OVCH2: variants seen among roughly 807,000 people sequenced by gnomAD.
The protein encoded by OVCH2 is ovochymase 2, also known as ovochymase-2.
Under a neutral mutation model 73.7 loss-of-function variants are expected in OVCH2, and 88 were observed. That is an observed-to-expected ratio of 1.19 (90% CI 1.01 to 1.43). OVCH2 has a LOEUF of 1.43. Among genes scored for constraint, OVCH2 ranks in the 40% most tolerant of loss-of-function variants. OVCH2 has a pLI of 0.00. For synonymous variants in OVCH2, 265 were observed against 234.5 expected (o/e 1.13, Z -1.19); for missense variants, 706 against 674.5 (o/e 1.05, Z -0.52).
At chr11:7,681,832 C>A in the OVCH2 span, among the ~76,000 whole-genome samples, 4 of 111,078 alleles carry the variant, frequency 3.6e-5, no homozygotes, top group South Asian at 2.8e-4. Flanking sequence ...GCTTCCAGGA[C>A]GGGGAGAAGG....
At chr11:7,695,734 C>A in intron 10 of OVCH2, 24 bp from the exon 11 acceptor site, 1 of 1,581,798 alleles carries the variant, frequency 6.3e-7, no homozygotes, top group Non-Finnish European at 8.6e-7. Context: ...AAAAAGGATT[C>A]TTTGTTCAGA....
chr11:7,702,528 A>T (rs944423351), intron 3 of OVCH2, among the ~76,000 whole-genome samples, 199 bp from the exon 4 acceptor site: 7 of 152,212 alleles, frequency 4.6e-5, no homozygotes, highest in Admixed American at 2.0e-4. Flanking sequence ...GGACTAGTGA[A>T]GAGTGGGTTC....
intron 15 of OVCH2, 111 bp downstream of exon 15, chr11:7,689,813 G>C (rs1856184861): frequency 1.4e-6 from 1 of 725,934 alleles, no homozygotes; most frequent in South Asian, 1.5e-5. Context: ...CTGGAGGTTA[G>C]GACTCTAGTA....
the OVCH2 span, among the ~76,000 whole-genome samples, chr11:7,681,103 G>A: frequency 5.3e-5 from 8 of 152,168 alleles, no homozygotes; most frequent in African/African-American, 1.9e-4. Flanking sequence ...TTGCTAAAAT[G>A]TCATCCTGAA....
At chr11:7,693,046 A>C (rs371553849) in intron 12 of OVCH2, among the ~76,000 whole-genome samples, 5 of 152,248 alleles carry the variant, frequency 3.3e-5, no homozygotes, top group African/African-American at 9.6e-5. Flanking sequence ...TAGAAGGAAC[A>C]GTGTGAAGGA....
chr11:7,698,856 C>T, intron 7 of OVCH2, 83 bp from the exon 8 acceptor site: 19 of 1,443,956 alleles, frequency 1.3e-5, no homozygotes, highest in Non-Finnish European at 1.8e-5. Flanking sequence ...TCTTGGCGCA[C>T]AAGAGATTTT....
At chr11:7,694,949 C>T (rs564222518) in intron 12 of OVCH2, 109 bp downstream of exon 12, 271 of 1,317,148 alleles carry the variant, frequency 2.1e-4, no homozygotes, top group Non-Finnish European at 2.6e-4. Flanking sequence ...GTTCTAGGTA[C>T]TGAAAACACA....
chr11:7,695,121 T>C lies in OVCH2; in HGVS notation c.1350A>G (p.Glu450=), dbSNP rs1476171523. The part of the protein sequence containing the change: ...EGLIQSLNYP[E]NYSDKANCDW... ...CACAGTTAGCCTTGTCACTGTAGTTTTCAGGATAGTTTAGACTCTGTATGA... is the reference window on the plus strand; with the variant it reads ...CACAGTTAGCCTTGTCACTGTAGTTCTCAGGATAGTTTAGACTCTGTATGA... Residue 450 remains glutamate (E), a synonymous_variant, in exon 12 of 16, where the codon GAA becomes GAG. Coordinates refer to ENST00000533663, the MANE Select transcript of OVCH2 (RefSeq NM_198185.7). 1.9e-6 allele frequency: 3 copies of C among 1,553,922 alleles called. No homozygotes were observed. Among genetic ancestry groups the C allele is most frequent in the Admixed American group, 2.0e-5 (1 of 51,146 alleles).
rs1856459562 is a variant in OVCH2, at chr11:7,702,324, A to G, written c.296T>C (p.Ile99Thr). 6.3e-7 allele frequency: 1 copy of G among 1,588,286 alleles called. No individual in the cohort carries two copies. The highest frequency in any genetic ancestry group is 8.5e-7 in the Non-Finnish European group (1 of 1,170,988). The change falls in exon 4 of 16, where the codon ATT (isoleucine) becomes ACT (threonine). Residue 99 changes from isoleucine (I) to threonine (T), a missense_variant. Coordinates refer to ENST00000533663, the MANE Select transcript of OVCH2 (RefSeq NM_198185.7). ...TAAHCIANRN[I>T]VSTLNVTAGE... ...AGCAGTAACATTCAAAGTAGACACAATGTTTCTATGGAAAGCAAAGAGTAA... is the reference window on the plus strand; with the variant it reads ...AGCAGTAACATTCAAAGTAGACACAGTGTTTCTATGGAAAGCAAAGAGTAA...
At position 7,706,425 on chromosome 11, in the gene OVCH2, T is replaced by C. The variant is rs1289029432; in HGVS notation, c.-31A>G. The C allele has an allele frequency of 6.5e-7, 1 of 1,546,772 alleles. No individual in the cohort carries two copies. Among genetic ancestry groups the C allele is most frequent in the East Asian group, 2.4e-5 (1 of 41,636 alleles). ...GACTCATAGTTTTTCCCTGAAATTTTAGAGAGACTAAAGCAAACAAAAATA... is the reference window on the plus strand; with the variant it reads ...GACTCATAGTTTTTCCCTGAAATTTCAGAGAGACTAAAGCAAACAAAAATA... On this transcript the variant is annotated 5_prime_UTR_variant, in exon 1 of 16. Transcript: ENST00000533663.
chr11:7,689,302 C>T (rs942757322), downstream of OVCH2: 19 of 193,084 alleles, frequency 9.8e-5, no homozygotes, highest in South Asian at 3.2e-4. Context: ...CTGTGGATTC[C>T]GGTGTTTCTA....
chr11:7,690,758 T>C (rs968740230), intron 14 of OVCH2, among the ~76,000 whole-genome samples: 6 of 152,192 alleles, frequency 3.9e-5, no homozygotes, highest in Non-Finnish European at 8.8e-5. Context: ...GTCCTTTTCA[T>C]GGTCTATTTA....
chr11:7,678,961 A>T, the OVCH2 span, among the ~76,000 whole-genome samples: 15 of 152,366 alleles, frequency 9.8e-5, no homozygotes, highest in African/African-American at 2.6e-4. Context: ...CATTTTTTTT[A>T]AATGAATGTT....
At chr11:7,694,803 CTTT>C (rs34314441) in intron 12 of OVCH2, among the ~76,000 whole-genome samples, 6 of 108,382 alleles carry the variant, frequency 5.5e-5, no homozygotes, top group Admixed American at 1.1e-4. Flanking sequence ...TAAAGCGGCA[CTTT>C]TTTTTTTTTT....
chr11:7,687,246 G>A (rs562045224), downstream of OVCH2, among the ~76,000 whole-genome samples: 23 of 151,536 alleles, frequency 1.5e-4, no homozygotes, highest in South Asian at 1.5e-3. Context: ...ATATTTCTGC[G>A]CAAATTGTCA....
the OVCH2 span, among the ~76,000 whole-genome samples, chr11:7,682,814 C>T: frequency 6.6e-6 from 1 of 152,180 alleles, no homozygotes; most frequent in Non-Finnish European, 1.5e-5. Flanking sequence ...TAGGTGCTAA[C>T]ACCCTTCCAC....
chr11:7,680,801 G>A, the OVCH2 span, among the ~76,000 whole-genome samples: 3 of 152,214 alleles, frequency 2.0e-5, no homozygotes, highest in African/African-American at 7.2e-5. Context: ...TGTTACAGCA[G>A]CAATAGGAAA....
At position 7,700,313 on chromosome 11, in the gene OVCH2, T is replaced by C. The variant is rs763754921; in HGVS notation, c.884A>G (p.His295Arg). The part of the protein sequence containing the change: ...TDISKVLPWI[H>R]EHIQTGNRRK... ...TTAGTTACCAGTTTGGATGTGTTCG[T>C]GGATCCAGGGAAGCACTTTACTAAT... Residue 295 changes from histidine to arginine, a missense_variant, in exon 7 of 16, where the codon CAC (histidine) becomes CGC (arginine). Physicochemically the swap from His to Arg is conservative, Grantham distance 29. Coordinates refer to ENST00000533663, the MANE Select transcript of OVCH2 (RefSeq NM_198185.7). The C allele has an allele frequency of 1.3e-5, 21 of 1,613,682 alleles. No homozygotes were observed. The highest frequency in any genetic ancestry group is 1.5e-5 in the Non-Finnish European group (18 of 1,179,802).
intron 9 of OVCH2, 36 bp from the exon 10 acceptor site, chr11:7,696,625 A>T (rs1053656853): frequency 6.2e-7 from 1 of 1,613,830 alleles, no homozygotes; most frequent in Non-Finnish European, 8.5e-7. Context: ...TTATTTCTAG[A>T]CAGAAAACGA....
Sources: allele counts gnomAD v4.1 joint callset (sites outside exome capture counted in the v4.1 genomes callset), GRCh38; gene constraint gnomAD v4.1.1; transcripts MANE v1.5; gene names NCBI Gene and HGNC (gene_info 2026-07-23, HGNC 2026-07-21).